The following OR5V1 variants were observed in gnomAD, a reference collection of about 807,000 sequenced individuals.
OR5V1 encodes olfactory receptor family 5 subfamily V member 1, also known as olfactory receptor 5V1.
For missense variants in OR5V1, 365 were observed against 371.5 expected (o/e 0.98, Z 0.14); for synonymous variants, 134 against 143.2 (o/e 0.94, Z 0.46).
At chr6:29,361,629 A>G (rs1778571009) in intron 1 of OR5V1, among the ~76,000 whole-genome samples, 1 of 152,156 alleles carries the variant, frequency 6.6e-6, no homozygotes, top group Non-Finnish European at 1.5e-5. Flanking sequence ...ACCAATATTC[A>G]ACATTCTTAA....
At position 29,355,415 on chromosome 6, in the gene OR5V1, G is replaced by C; in HGVS notation, c.781C>G (p.Arg261Gly). 6.2e-7 allele frequency: 1 copy of C among 1,613,908 alleles called. No homozygotes were observed. The highest frequency in any genetic ancestry group is 8.5e-7 in the Non-Finnish European group (1 of 1,179,838). Reference sequence around the variant, plus strand: ...TTTAATGAGTAAGTTGAGATGGGCCGTACATATGTAAAGATGGCGCTGCCA... The same window carrying C: ...TTTAATGAGTAAGTTGAGATGGGCCCTACATATGTAAAGATGGCGCTGCCA... ...FYGSAIFTYVRPISTYSLKKD... is the reference protein window; with the variant it reads ...FYGSAIFTYVGPISTYSLKKD... The change falls in exon 2 of 2, where the codon CGG becomes GGG. Residue 261 changes from arginine (R) to glycine (G), a missense_variant. Arg to Gly is a moderately radical substitution (Grantham distance 125, BLOSUM62 -2). Transcript: ENST00000641768.
At chr6:29,357,111 C>G (rs984281679) in intron 1 of OR5V1, among the ~76,000 whole-genome samples, 10 of 152,082 alleles carry the variant, frequency 6.6e-5, no homozygotes, top group African/African-American at 2.4e-4. Flanking sequence ...AATTAGAAAC[C>G]TATTGCTATA....
chr6:29,357,641 G>A (rs1385834706), intron 1 of OR5V1, among the ~76,000 whole-genome samples: 1 of 152,062 alleles, frequency 6.6e-6, no homozygotes, highest in African/African-American at 2.4e-5. Flanking sequence ...ATTTGAATAT[G>A]TTTATTTGAA....
rs1778312065 is a variant in OR5V1, at chr6:29,356,410, C to T, written c.-82-133G>A. 5 of 506,488 alleles carry T rather than the reference C, an allele frequency of 9.9e-6. No homozygotes were observed. The East Asian group carries it at 1.3e-4, about 13-fold the overall frequency. The allele number at this position is 506,488 out of a possible 1,614,324, so 31.4% of individuals were successfully genotyped here. A position where few individuals can be genotyped will look rare whatever the true frequency, so the allele number is the denominator to read the frequency against. On this transcript the variant is annotated intron_variant, in intron 1 of 1. Transcript: ENST00000641768. ...ACAGATATAAATACATCCAATGTTTCACCTGCAGATCAAATCTTTTTAAAT... is the reference window on the plus strand; with the variant it reads ...ACAGATATAAATACATCCAATGTTTTACCTGCAGATCAAATCTTTTTAAAT...
At chr6:29,366,283 C>A (rs1778850193) in intron 1 of OR5V1, among the ~76,000 whole-genome samples, 1 of 141,204 alleles carries the variant, frequency 7.1e-6, no homozygotes. Flanking sequence ...AACAAACCTG[C>A]ACATTCTGCA....
intron 1 of OR5V1, among the ~76,000 whole-genome samples, chr6:29,368,223 C>T (rs796718230): frequency 2.0e-5 from 3 of 152,300 alleles, no homozygotes; most frequent in Admixed American, 6.5e-5. Context: ...TAATAGCTAG[C>T]ATGCAAGGTT....
At chr6:29,361,358 T>G (rs1778557075) in intron 1 of OR5V1, among the ~76,000 whole-genome samples, 1 of 152,022 alleles carries the variant, frequency 6.6e-6, no homozygotes, top group Non-Finnish European at 1.5e-5. Context: ...AAAACACACT[T>G]CAAAATATTA....
chr6:29,363,576 C>G (rs1342666927), intron 1 of OR5V1, among the ~76,000 whole-genome samples: 1 of 152,172 alleles, frequency 6.6e-6, no homozygotes, highest in Non-Finnish European at 1.5e-5. Flanking sequence ...CCAAATCCAG[C>G]AGCACATCAA....
At chr6:29,368,495 C>T (rs1400853148) in intron 1 of OR5V1, 137 bp downstream of exon 1, 1 of 152,188 alleles carries the variant, frequency 6.6e-6, no homozygotes, top group Non-Finnish European at 1.5e-5. Flanking sequence ...TTATTATTCC[C>T]TCCTTTGGAA....
chr6:29,361,834 G>A (rs1242242731), intron 1 of OR5V1, among the ~76,000 whole-genome samples: 12 of 151,968 alleles, frequency 7.9e-5, no homozygotes, highest in African/African-American at 1.4e-4. Flanking sequence ...AAAACACACC[G>A]TAATATAAAA....
chr6:29,365,098 G>T (rs1460230694), intron 1 of OR5V1, among the ~76,000 whole-genome samples: 2 of 151,976 alleles, frequency 1.3e-5, no homozygotes, highest in African/African-American at 2.4e-5. Context: ...CTAGCCACAT[G>T]CAGAAAACAG....
intron 1 of OR5V1, among the ~76,000 whole-genome samples, chr6:29,358,989 T>G (rs566310169): frequency 6.6e-6 from 1 of 152,320 alleles, no homozygotes; most frequent in East Asian, 1.9e-4. Context: ...GGCAGATATG[T>G]TATTTAGCCT....
At chr6:29,362,455 A>G (rs1778612856) in intron 1 of OR5V1, among the ~76,000 whole-genome samples, 2 of 152,108 alleles carry the variant, frequency 1.3e-5, no homozygotes, top group African/African-American at 4.8e-5. Context: ...CATCTACTGA[A>G]CTCTCCACCC....
intron 1 of OR5V1, among the ~76,000 whole-genome samples, chr6:29,358,093 A>G (rs1440683694): frequency 6.6e-6 from 1 of 152,148 alleles, no homozygotes; most frequent in Non-Finnish European, 1.5e-5. Flanking sequence ...AAGGGAGAGG[A>G]TAAGTTGAAA....
In OR5V1 at chr6:29,355,912, A is replaced by C. The variant is rs1480303301; in HGVS notation, c.284T>G (p.Val95Gly). 3 of 1,613,944 alleles carry C rather than the reference A, an allele frequency of 1.9e-6. No individual in the cohort carries two copies. In the African/African-American group the frequency reaches 4.0e-5, roughly 22 times the overall value. ...LLSKKKSISY[V>G]GCVVQLFAFV... ...TGCAAAAAGTTGAACCACACACCCCACATAAGAAATGCTTTTTTTCTTTGA... is the reference window on the plus strand; with the variant it reads ...TGCAAAAAGTTGAACCACACACCCCCCATAAGAAATGCTTTTTTTCTTTGA... The change falls in exon 2 of 2, where the codon GTG (valine) becomes GGG (glycine). Residue 95 changes from valine to glycine, a missense_variant. Transcript: ENST00000641768.
chr6:29,355,651 G>C lies in OR5V1; in HGVS notation c.545C>G (p.Pro182Arg). The change falls in exon 2 of 2, where the codon CCC (proline) becomes CGC (arginine). Residue 182 changes from proline (P) to arginine (R), a missense_variant. Transcript: ENST00000641768. ...TCCACAAGACAAGATCAGCAAAGGGGGGATGTCACAGAAGAAGTAATTAAT... is the reference window on the plus strand; with the variant it reads ...TCCACAAGACAAGATCAGCAAAGGGCGGATGTCACAGAAGAAGTAATTAAT... The part of the protein sequence containing the change: ...NQINYFFCDI[P>R]PLLILSCGNT... 8.7e-6 allele frequency: 14 copies of C among 1,613,978 alleles called. No homozygotes were observed. Among genetic ancestry groups the C allele is most frequent in the Non-Finnish European group, 1.2e-5 (14 of 1,179,914 alleles).
chr6:29,363,033 A>G (rs1778646923), intron 1 of OR5V1, among the ~76,000 whole-genome samples: 1 of 152,184 alleles, frequency 6.6e-6, no homozygotes, highest in African/African-American at 2.4e-5. Flanking sequence ...GAAGATTAAC[A>G]AAAGAGATAG....
intron 1 of OR5V1, among the ~76,000 whole-genome samples, chr6:29,359,812 C>G (rs567308596): frequency 2.6e-5 from 4 of 152,320 alleles, no homozygotes; most frequent in Admixed American, 2.0e-4. Flanking sequence ...GTGCCTACAC[C>G]ACCAGGGGCC....
At chr6:29,367,489 A>G (rs1050854868) in intron 1 of OR5V1, among the ~76,000 whole-genome samples, 18 of 152,326 alleles carry the variant, frequency 1.2e-4, no homozygotes, top group African/African-American at 4.3e-4. Context: ...AAATTTTCCA[A>G]GAAAACAATT....
Sources: gnomAD v4.1 joint callset for allele counts (sites outside exome capture counted in the v4.1 genomes callset) on GRCh38, gnomAD v4.1.1 for gene constraint, MANE v1.5 for transcripts, NCBI Gene and HGNC (gene_info 2026-07-23, HGNC 2026-07-21) for gene names.